SLC25A51: variants seen among roughly 807,000 people sequenced by gnomAD.
SLC25A51 encodes mitochondrial nicotinamide adenine dinucleotide transporter SLC25A51.
In SLC25A51, 11 loss-of-function variants were observed where a neutral mutation model predicts 19.1. That is an observed-to-expected ratio of 0.58 (90% CI 0.36 to 0.96). The LOEUF (loss-of-function observed/expected upper bound fraction) is 0.96, where lower values mean the gene tolerates loss of function less well. Ranked by LOEUF, SLC25A51 falls within the 40% of genes least tolerant of loss-of-function variation. The pLI is 0.01. For synonymous variants in SLC25A51, 105 were observed against 133.6 expected, an observed-to-expected ratio of 0.79 and a Z score of 1.47; for missense variants, 201 against 365.4, an observed-to-expected ratio of 0.55 and a Z score of 3.67.
chr9:37,888,211 T>C lies in SLC25A51; in HGVS notation c.340A>G (p.Ser114Gly). The C allele has an allele frequency of 6.2e-7, 1 of 1,614,162 alleles. No homozygotes were observed. Among genetic ancestry groups the C allele is most frequent in the East Asian group, 2.2e-5 (1 of 44,890 alleles). ...CCACTGGTTGCAAACTCTGGAGCACTGACATGCTTGTGGAGAAGGCAGGAT... is the reference window on the plus strand; with the variant it reads ...CCACTGGTTGCAAACTCTGGAGCACCGACATGCTTGTGGAGAAGGCAGGAT... The part of the protein sequence containing the change: ...DLSCLLHKHV[S>G]APEFATSGVA... Residue 114 changes from serine (S) to glycine (G), a missense_variant, in exon 3 of 3, where the codon AGT becomes GGT. Coordinates refer to ENST00000242275, the MANE Select transcript of SLC25A51 (RefSeq NM_033412.4).
At chr9:37,893,877 G>C (rs992457757) in intron 2 of SLC25A51, among the ~76,000 whole-genome samples, 1 of 152,090 alleles carries the variant, frequency 6.6e-6, no homozygotes, top group African/African-American at 2.4e-5. Context: ...TGGCCTACTC[G>C]GGTCTCTTCT....
downstream of SLC25A51, among the ~76,000 whole-genome samples, chr9:37,884,046 T>C (rs1831399334): frequency 6.6e-6 from 1 of 152,222 alleles, no homozygotes; most frequent in Non-Finnish European, 1.5e-5. Flanking sequence ...AGGCCTTTAT[T>C]TTGGTCAGTA....
At chr9:37,890,399 A>G (rs1448784414) in intron 2 of SLC25A51, among the ~76,000 whole-genome samples, 1 of 152,004 alleles carries the variant, frequency 6.6e-6, no homozygotes, top group Admixed American at 6.6e-5. Context: ...AATAATAACA[A>G]TAATTTAAAA....
At chr9:37,880,134 A>C (rs920162738) in exon 4 of SLC25A51, 1 of 146,524 alleles carries the variant, frequency 6.8e-6, no homozygotes, top group Admixed American at 6.8e-5. Context: ...AGCCTGGCGC[A>C]AAACTGTCTC....
chr9:37,894,820 G>A (rs905237683), intron 2 of SLC25A51, among the ~76,000 whole-genome samples: 5 of 151,992 alleles, frequency 3.3e-5, no homozygotes, highest in Admixed American at 2.6e-4. Context: ...CTCTCTATGT[G>A]TCCATGAGTT....
chr9:37,887,572 T>TAA, downstream of SLC25A51: 8 of 1,293,444 alleles, frequency 6.2e-6, no homozygotes, highest in South Asian at 3.0e-5. Flanking sequence ...GGGATTTCCT[T>TAA]TAAAAAAAAA....
intron 2 of SLC25A51, among the ~76,000 whole-genome samples, chr9:37,894,417 C>T (rs1248242604): frequency 6.6e-6 from 1 of 151,646 alleles, no homozygotes; most frequent in Non-Finnish European, 1.5e-5. Context: ...ACCTCCACCT[C>T]CTGGGTTCAA....
intron 2 of SLC25A51, among the ~76,000 whole-genome samples, chr9:37,889,301 C>T (rs1185378765): frequency 2.0e-5 from 3 of 152,160 alleles, no homozygotes; most frequent in Admixed American, 6.6e-5. Flanking sequence ...CTACTATGAA[C>T]TAGGTCCTCT....
downstream of SLC25A51, among the ~76,000 whole-genome samples, chr9:37,885,356 A>AAAC (rs1564065707): frequency 2.0e-5 from 3 of 151,022 alleles, no homozygotes; most frequent in African/African-American, 7.3e-5. Flanking sequence ...AAAAAAAAAA[A>AAAC]AAAAAAAAAA....
chr9:37,887,853 T>C lies in SLC25A51; in HGVS notation c.698A>G (p.Asn233Ser). ...AGACTGTATGCGAGTTTTTACAACA[T>C]TAATTGGAAAAAACAAGAATCCCAA... ...AMLGFLFFPI[N>S]VVKTRIQSQI... is the part of the protein sequence containing the mutation. The change falls in exon 3 of 3, where the codon AAT becomes AGT. Residue 233 changes from asparagine to serine, a missense_variant. Coordinates refer to ENST00000242275, the MANE Select transcript of SLC25A51 (RefSeq NM_033412.4). 6.2e-7 allele frequency: 1 copy of C among 1,612,322 alleles called. No individual in the cohort carries two copies. Among genetic ancestry groups the C allele is most frequent in the Non-Finnish European group, 8.5e-7 (1 of 1,179,834 alleles).
downstream of SLC25A51, chr9:37,885,679 C>T (rs1456557928): frequency 3.0e-5 from 38 of 1,270,952 alleles, no homozygotes; most frequent in Non-Finnish European, 3.8e-5. Context: ...TGCCCGAAAC[C>T]GGAGAGAGAA....
At chr9:37,896,221 C>T (rs1294572391) in intron 2 of SLC25A51, among the ~76,000 whole-genome samples, 1 of 152,180 alleles carries the variant, frequency 6.6e-6, no homozygotes, top group Non-Finnish European at 1.5e-5. Flanking sequence ...CCATCAGTTG[C>T]AGCATAATCT....
At chr9:37,882,156 A>G (rs1301642982) in intron 2 of SLC25A51, among the ~76,000 whole-genome samples, 1 of 152,238 alleles carries the variant, frequency 6.6e-6, no homozygotes, top group Admixed American at 6.5e-5. Flanking sequence ...AAATTTCAAG[A>G]GAATACCTGT....
At chr9:37,880,807 GGATTGGGAGTGCTCTGTAGCTATGCAGA>G (rs1342899712) in intron 3 of SLC25A51, 1 of 152,114 alleles carries the variant, frequency 6.6e-6, no homozygotes, top group African/African-American at 2.4e-5. Flanking sequence ...AGTCTCTTGG[GGATTGGGAGTGCTCTGTAGCTATGCAGA>G]GATCCCCCAG....
exon 4 of SLC25A51, chr9:37,879,640 GT>G (rs11365043): frequency 0.65 from 99,004 of 152,104 alleles, 32,323 homozygotes; most frequent in African/African-American, 0.69. Flanking sequence ...ATTAAAACAG[GT>G]TAAGTGCTGT....
At chr9:37,898,981 C>T (rs969878557) in intron 2 of SLC25A51, among the ~76,000 whole-genome samples, 1 of 152,156 alleles carries the variant, frequency 6.6e-6, no homozygotes, top group African/African-American at 2.4e-5. Context: ...GCCTCTGGAA[C>T]CTACTAATTA....
intron 2 of SLC25A51, among the ~76,000 whole-genome samples, chr9:37,895,063 T>C (rs557938206): frequency 1.3e-5 from 2 of 152,330 alleles, no homozygotes; most frequent in Admixed American, 1.3e-4. Flanking sequence ...CTACTGTGAA[T>C]AGTGCTGCAG....
exon 4 of SLC25A51, chr9:37,880,248 G>A (rs1333551583): frequency 6.6e-6 from 1 of 151,200 alleles, no homozygotes; most frequent in African/African-American, 2.4e-5. Context: ...AGGAGGCAGA[G>A]GGTGCAGTGA....
chr9:37,900,449 G>GAA (rs543345911), intron 1 of SLC25A51, among the ~76,000 whole-genome samples: 13 of 131,088 alleles, frequency 9.9e-5, no homozygotes, highest in South Asian at 2.5e-4. Context: ...ACTCTATCCA[G>GAA]AAAAAAAAAA....
Sources: allele counts gnomAD v4.1 joint callset (sites outside exome capture counted in the v4.1 genomes callset), GRCh38; gene constraint gnomAD v4.1.1; transcripts MANE v1.5; gene names NCBI Gene and HGNC (gene_info 2026-07-23, HGNC 2026-07-21).